The following POGZ variants were observed in gnomAD, a reference collection of about 807,000 sequenced individuals.
POGZ encodes the protein pogo transposable element with ZNF domain.
Under a neutral mutation model 134.6 loss-of-function variants are expected in POGZ, and 17 were observed. The ratio of observed to expected loss-of-function variants is 0.13; its 90% CI spans 0.09 to 0.19. The LOEUF (loss-of-function observed/expected upper bound fraction) is 0.19. POGZ is among the 10% of genes least tolerant of loss of function. POGZ has a pLI of 1.00. For missense variants in POGZ, 1,306 were observed against 1,769.7 expected (o/e 0.74, Z 4.70); for synonymous variants, 693 against 657.1 (o/e 1.05, Z -0.84).
chr1:151,452,994 C>T (rs1662322991), intron 1 of POGZ, among the ~76,000 whole-genome samples: 2 of 151,766 alleles, frequency 1.3e-5, no homozygotes, highest in South Asian at 4.1e-4. Context: ...GTGATCTTGG[C>T]TCACTGCAAC....
Position 151,437,382 on chromosome 1 carries a change from A to G in POGZ, c.283+3546T>C, listed in dbSNP as rs1013303591. 2.0e-5 allele frequency among the ~76,000 whole-genome samples: 3 copies of G among 152,100 alleles called. 1 individual carries two copies. Among genetic ancestry groups the G allele is most frequent in the Admixed American group, 2.0e-4 (3 of 15,264 alleles). On this transcript the variant is annotated intron_variant, in intron 3 of 18. Transcript: ENST00000271715. ...AATCTTTCCCTCTTCTGAGACCACAAATTTTTTTTTAATTTTAAATTTCTA... is the reference window on the plus strand; with the variant it reads ...AATCTTTCCCTCTTCTGAGACCACAGATTTTTTTTTAATTTTAAATTTCTA...
Position 151,405,848 on chromosome 1 carries a change from C to T in POGZ, c.3187G>A (p.Gly1063Arg). Reference protein sequence around the residue: ...KATKIGRSLEGGFKISYEWAV... With the variant: ...KATKIGRSLERGFKISYEWAV... ...CACTCATAGGAGATCTTAAACCCCC[C>T]TTCCAAAGAACGTCCTATTTTGGTG... Residue 1063 changes from glycine to arginine, a missense_variant, in exon 19 of 19, where the codon GGG (glycine) becomes AGG (arginine). Physicochemically the swap from Gly to Arg is moderately radical, Grantham distance 125. This residue lies in a region of POGZ where 24 missense variants were observed against 69.6 expected (regional missense o/e 0.34). Coordinates refer to ENST00000271715, the MANE Select transcript of POGZ (RefSeq NM_015100.4). The surrounding 1 kb of genome is among the most constrained non-coding windows in gnomAD (Gnocchi z 4.9). The T allele has an allele frequency of 6.2e-7, 1 of 1,614,184 alleles. No individual in the cohort carries two copies. Among genetic ancestry groups the T allele is most frequent in the Non-Finnish European group, 8.5e-7 (1 of 1,180,040 alleles).
intron 2 of POGZ, among the ~76,000 whole-genome samples, chr1:151,441,401 G>T (rs1660505622): frequency 6.6e-6 from 1 of 152,130 alleles, no homozygotes; most frequent in Non-Finnish European, 1.5e-5. Context: ...ACCACTAGTG[G>T]TATTCATAAT....
At chr1:151,413,278 G>A (rs1038076962) in intron 10 of POGZ, among the ~76,000 whole-genome samples, 1 of 151,556 alleles carries the variant, frequency 6.6e-6, no homozygotes, top group Non-Finnish European at 1.5e-5. Flanking sequence ...CCATGCCCAA[G>A]TAATTAAAAA....
At chr1:151,416,820 T>G (rs933487325) in intron 10 of POGZ, among the ~76,000 whole-genome samples, 1 of 151,600 alleles carries the variant, frequency 6.6e-6, no homozygotes, top group Non-Finnish European at 1.5e-5. Context: ...CAGAGAGAGA[T>G]AAGGTCTCAC....
At chr1:151,440,137 C>T (rs1660290679) in intron 3 of POGZ, among the ~76,000 whole-genome samples, 3 of 150,400 alleles carry the variant, frequency 2.0e-5, no homozygotes, top group South Asian at 2.1e-4. Flanking sequence ...TAAAAGTAAC[C>T]ATCAGTTATC....
intron 10 of POGZ, 92 bp downstream of exon 10, chr1:151,423,305 A>G: frequency 9.5e-7 from 1 of 1,047,158 alleles, no homozygotes; most frequent in Non-Finnish European, 1.5e-6. Context: ...TGTTACCCAC[A>G]TGTAAATAAA....
chr1:151,456,917 A>G (rs1368577832), intron 1 of POGZ, among the ~76,000 whole-genome samples: 2 of 152,224 alleles, frequency 1.3e-5, no homozygotes, highest in African/African-American at 2.4e-5. Flanking sequence ...TACTGCTTCA[A>G]GGGCATTCTC....
intron 10 of POGZ, among the ~76,000 whole-genome samples, chr1:151,416,835 T>C (rs1434623393): frequency 6.6e-6 from 1 of 152,006 alleles, no homozygotes; most frequent in Non-Finnish European, 1.5e-5. Flanking sequence ...TCTCACTATA[T>C]TCGCCAGGCT....
At position 151,404,534 on chromosome 1, in the gene POGZ, A is replaced by T. The variant is rs1653228001; in HGVS notation, c.*268T>A. On this transcript the variant is annotated 3_prime_UTR_variant, in exon 19 of 19. Coordinates refer to ENST00000271715, the MANE Select transcript of POGZ (RefSeq NM_015100.4). ...TACCAAACACAGTGATTTAAATTTAAAAAAAAAAAAAGTCACAAAAACCTG... is the reference window on the plus strand; with the variant it reads ...TACCAAACACAGTGATTTAAATTTATAAAAAAAAAAAGTCACAAAAACCTG... 2.9e-6 allele frequency: 3 copies of T among 1,019,146 alleles called. No homozygotes were observed. Among genetic ancestry groups the T allele is most frequent in the African/African-American group, 1.8e-5 (1 of 56,912 alleles). The allele number at this position is 1,019,146 out of a possible 1,614,324, so 63.1% of individuals were successfully genotyped here.
chr1:151,422,926 T>A (rs1028695194), intron 10 of POGZ, among the ~76,000 whole-genome samples: 14 of 152,326 alleles, frequency 9.2e-5, no homozygotes, highest in African/African-American at 3.4e-4. Context: ...TTCTTTGAGC[T>A]TATGTCCAGC....
intron 3 of POGZ, among the ~76,000 whole-genome samples, chr1:151,440,431 T>A (rs1660346711): frequency 6.6e-6 from 1 of 151,690 alleles, no homozygotes; most frequent in Non-Finnish European, 1.5e-5. Flanking sequence ...GCCTTTCTAT[T>A]AAAAAAAATA....
rs75079927 is a variant in POGZ at position 151,419,807 on chromosome 1, T to C, written c.1678+3590A>G. Among the ~76,000 whole-genome samples the C allele has an allele frequency of 7.3e-3, 1,106 of 152,100 alleles. 13 individuals are homozygous for C. Among genetic ancestry groups the C allele is most frequent in the African/African-American group, 0.025 (1,035 of 41,472 alleles). On this transcript the variant is annotated intron_variant, in intron 10 of 18. Coordinates refer to ENST00000271715, the MANE Select transcript of POGZ (RefSeq NM_015100.4). ...TGATTTTGGTAAGCATAAAATCTTG[T>C]CATAAGAGACTCAAAAATTAAGTCA...
intron 1 of POGZ, among the ~76,000 whole-genome samples, chr1:151,458,732 G>A (rs1055508773): frequency 6.2e-5 from 9 of 145,096 alleles, no homozygotes; most frequent in East Asian, 2.0e-4. Flanking sequence ...CCGCGCCCGC[G>A]CCGCCCACTC....
In POGZ at chr1:151,403,996, T is replaced by C; in HGVS notation, c.*806A>G. 1.0e-6 allele frequency: 1 copy of C among 985,356 alleles called. No homozygotes were observed. The highest frequency in any genetic ancestry group is 4.7e-5 in the South Asian group (1 of 21,278). 61.0% of individuals were successfully genotyped at this position (985,356 alleles called of 1,614,324 possible). The stretch of plus-strand genomic sequence containing the variant: ...CCAGAGGGATGGATGGTGTTGAGAA[T>C]GGGGAAAGGGGCCAAGGATCACAAG... On this transcript the variant is annotated 3_prime_UTR_variant, in exon 19 of 19. Coordinates refer to ENST00000271715, the MANE Select transcript of POGZ (RefSeq NM_015100.4).
chr1:151,405,056 T>C lies in POGZ; in HGVS notation c.3979A>G (p.Ser1327Gly), dbSNP rs753752964. ...ELVQRSFLVA[S>G]VLPGPDGNIN... ...TTGCCATCGGGGCCAGGCAGAACAC[T>C]AGCCACCAGGAAGGAGCGCTGAACT... Residue 1327 changes from serine to glycine, a missense_variant, in exon 19 of 19, where the codon AGT becomes GGT. Around this residue, in one of 10 missense-constraint regions of POGZ, gnomAD observed 107 missense variants for 97.9 expected, o/e 1.09. Coordinates refer to ENST00000271715, the MANE Select transcript of POGZ (RefSeq NM_015100.4). This position sits in a 1 kb window ranked among gnomAD's most constrained non-coding sequence, Gnocchi z 4.9. The C allele has an allele frequency of 1.5e-5, 24 of 1,614,050 alleles. No homozygotes were observed. The highest frequency in any genetic ancestry group is 4.0e-5 in the African/African-American group (3 of 74,926).
At chr1:151,447,780 G>GT (rs1000059462) in intron 1 of POGZ, among the ~76,000 whole-genome samples, 6 of 150,028 alleles carry the variant, frequency 4.0e-5, no homozygotes, top group African/African-American at 1.5e-4. Flanking sequence ...ATGAGCCACT[G>GT]TGCCCAGCTT....
intron 10 of POGZ, among the ~76,000 whole-genome samples, chr1:151,413,622 G>T (rs1215175899): frequency 2.5e-5 from 3 of 121,270 alleles, no homozygotes; most frequent in African/African-American, 9.3e-5. Flanking sequence ...CTACACCCCA[G>T]CCAAAGAAAT....
In POGZ at chr1:151,403,896, A is replaced by G. The variant is rs1435172869; in HGVS notation, c.*906T>C. On this transcript the variant is annotated 3_prime_UTR_variant, in exon 19 of 19. Transcript: ENST00000271715. ...TTACAGGATGAAGACTCAAACTGGG[A>G]ATGGCTTCCACCCTAAAACTGTTTG... 2 of 985,340 alleles carry G rather than the reference A, an allele frequency of 2.0e-6. No homozygotes were observed. Among genetic ancestry groups the G allele is most frequent in the Non-Finnish European group, 1.2e-6 (1 of 829,934 alleles). The allele number at this position is 985,340 out of a possible 1,614,324, so 61.0% of individuals were successfully genotyped here.
Sources: gnomAD v4.1 joint callset for allele counts (sites outside exome capture counted in the v4.1 genomes callset) on GRCh38, gnomAD v4.1.1 for gene constraint, gnomAD v4.1.1 regional missense constraint, Gnocchi (gnomAD v3.1) non-coding constraint, MANE v1.5 for transcripts, NCBI Gene and HGNC (gene_info 2026-07-23, HGNC 2026-07-21) for gene names.